Variants in UTRN observed in about 807,000 individuals in gnomAD.
UTRN encodes utrophin.
UTRN carries 283 observed loss-of-function variants against 463.9 expected under a neutral mutation model. The observed-to-expected ratio is 0.61, with a 90% CI of 0.55 to 0.67. The LOEUF (loss-of-function observed/expected upper bound fraction) is 0.67. Among genes scored for constraint, UTRN ranks in the 30% least tolerant of loss-of-function variants. The pLI, the probability that UTRN is intolerant of heterozygous loss-of-function variation, is 0.00. For synonymous variants in UTRN, 1,442 were observed against 1,431.5 expected (o/e 1.01, Z -0.17); for missense variants, 3,922 against 4,084.3 (o/e 0.96, Z 1.08).
chr6:144,414,034 C>T (rs995518347), intron 3 of UTRN, among the ~76,000 whole-genome samples: 5 of 152,028 alleles, frequency 3.3e-5, no homozygotes, highest in African/African-American at 1.2e-4. Flanking sequence ...AACTCCTGAT[C>T]TCATGATCTG....
chr6:144,325,813 A>T (rs1034941750), intron 2 of UTRN, among the ~76,000 whole-genome samples: 1 of 152,168 alleles, frequency 6.6e-6, no homozygotes, highest in African/African-American at 2.4e-5. Flanking sequence ...GGAAATAGGA[A>T]TGTGGCCTGT....
chr6:144,438,111 C>CA (rs1398755732), intron 11 of UTRN, among the ~76,000 whole-genome samples: 1 of 152,052 alleles, frequency 6.6e-6, no homozygotes, highest in African/African-American at 2.4e-5. Flanking sequence ...ACTAAAAATA[C>CA]AAAAATTAGC....
intron 23 of UTRN, among the ~76,000 whole-genome samples, chr6:144,471,924 A>G (rs117303574): frequency 6.6e-6 from 1 of 152,194 alleles, no homozygotes; most frequent in South Asian, 2.1e-4. Flanking sequence ...TCAAAACTAC[A>G]AAGTATAGAA....
chr6:144,601,235 G>C (rs1434665926), intron 51 of UTRN, among the ~76,000 whole-genome samples: 2 of 152,144 alleles, frequency 1.3e-5, no homozygotes, highest in Non-Finnish European at 2.9e-5. Context: ...TATTATTTAA[G>C]AAATGTTTCA....
At chr6:144,657,593 A>G (rs1209628559) in intron 51 of UTRN, among the ~76,000 whole-genome samples, 1 of 152,206 alleles carries the variant, frequency 6.6e-6, no homozygotes, top group Non-Finnish European at 1.5e-5. Context: ...CCTTGTGTTT[A>G]ACCTTGGGTG....
At chr6:144,420,893 T>C (rs1784777678) in intron 3 of UTRN, among the ~76,000 whole-genome samples, 1 of 152,240 alleles carries the variant, frequency 6.6e-6, no homozygotes, top group African/African-American at 2.4e-5. Context: ...TTAATGCGTC[T>C]CGTTATCATT....
intron 51 of UTRN, among the ~76,000 whole-genome samples, chr6:144,645,649 G>A (rs1778214788): frequency 6.6e-6 from 1 of 152,206 alleles, no homozygotes; most frequent in Non-Finnish European, 1.5e-5. Flanking sequence ...AAAGGATCTG[G>A]AGAAGACACC....
rs765669270 is a variant in UTRN, at chr6:144,488,822, A to G, written c.4122A>G (p.Pro1374=). ...ACAGGATAGATGCTTTCCAAGTTCC[A>G]CAGGAAGCTCAGGTATTGCCGTGCA... ...LTDRIDAFQV[P]QEAQKIQAEI... The change falls in exon 30 of 75, where the codon CCA becomes CCG. Residue 1374 remains proline (P), a synonymous_variant. Transcript: ENST00000367545. The G allele has an allele frequency of 5.0e-6, 8 of 1,595,490 alleles. No individual in the cohort carries two copies. The highest frequency in any genetic ancestry group is 2.6e-6 in the Non-Finnish European group (3 of 1,168,894).
chr6:144,590,058 A>G (rs1802863381), intron 51 of UTRN, among the ~76,000 whole-genome samples: 1 of 151,832 alleles, frequency 6.6e-6, no homozygotes, highest in Admixed American at 6.6e-5. Flanking sequence ...ACAGGGCCTC[A>G]CTATGTTGCG....
intron 51 of UTRN, among the ~76,000 whole-genome samples, chr6:144,581,643 T>G (rs1449760759): frequency 6.6e-6 from 1 of 152,204 alleles, no homozygotes; most frequent in Non-Finnish European, 1.5e-5. Context: ...CATCTGCTGG[T>G]TCTAGGACAG....
chr6:144,740,531 G>A (rs534614829), intron 54 of UTRN, among the ~76,000 whole-genome samples: 1 of 152,274 alleles, frequency 6.6e-6, no homozygotes, highest in East Asian at 1.9e-4. Flanking sequence ...AGCTTCTCAA[G>A]TCCAAATTAG....
chr6:144,439,401 G>A (rs557287419), intron 12 of UTRN, among the ~76,000 whole-genome samples: 3 of 152,114 alleles, frequency 2.0e-5, no homozygotes, highest in Non-Finnish European at 2.9e-5. Context: ...GAAACATTGA[G>A]GTAACTAATA....
Position 144,514,864 on chromosome 6 carries a change from A to G in UTRN, c.5244+44A>G, listed in dbSNP as rs756302431. On this transcript the variant is annotated intron_variant, in intron 37 of 74. Coordinates refer to ENST00000367545, the MANE Select transcript of UTRN (RefSeq NM_007124.3). ...AGAGTAAACCATTTTTCCTATGGGT[A>G]TGTATCTAAATGATAGTCATACAGT... 1.4e-5 allele frequency: 22 copies of G among 1,564,534 alleles called. No individual in the cohort carries two copies. In the South Asian group the frequency reaches 2.6e-4, roughly 18 times the overall value.
At chr6:144,753,278 AC>A (rs1303349680) in intron 56 of UTRN, among the ~76,000 whole-genome samples, 1 of 152,140 alleles carries the variant, frequency 6.6e-6, no homozygotes, top group African/African-American at 2.4e-5. Flanking sequence ...CAGTTTAGTA[AC>A]CCTTTACATT....
rs373137891 is a variant in UTRN, at chr6:144,793,858, C to T, written c.8945C>T (p.Pro2982Leu). ...YRYLFKEVAG[P>L]TEMCDQRQLG... ...GATCTCTTTAAGGAAGTTGCAGGGC[C>T]AACAGAAATGTGTGACCAGAGGCAG... The change falls in exon 63 of 75, where the codon CCA (proline) becomes CTA (leucine). Residue 2982 changes from proline to leucine, a missense_variant. Physicochemically the swap from Pro to Leu is moderately conservative, Grantham distance 98 (BLOSUM62 -3). This residue lies in a region of UTRN where 1,309 missense variants were observed against 1,452.6 expected (regional missense o/e 0.90). Transcript: ENST00000367545. 101 of 1,613,936 alleles carry T rather than the reference C, an allele frequency of 6.3e-5. No homozygotes were observed. The highest frequency in any genetic ancestry group is 8.1e-5 in the Non-Finnish European group (96 of 1,179,970).
rs767207733 is a variant in UTRN at position 144,551,053 on chromosome 6, C to T, written c.6899C>T (p.Ser2300Leu). The change falls in exon 48 of 75, where the codon TCA becomes TTA. Residue 2300 changes from serine (S) to leucine (L), a missense_variant. Ser to Leu is a moderately radical substitution (Grantham distance 145, BLOSUM62 -2). Around this residue, in one of 3 missense-constraint regions of UTRN, gnomAD observed 1,309 missense variants for 1,452.6 expected, o/e 0.90. Coordinates refer to ENST00000367545, the MANE Select transcript of UTRN (RefSeq NM_007124.3). Reference protein sequence around the residue: ...AQNLKNKASSSDMRTAITEKL... With the variant: ...AQNLKNKASSLDMRTAITEKL... ...AATTTGAAAAATAAAGCTTCCAGTTCAGATATGAGAACAGCAATTACAGAA... is the reference window on the plus strand; with the variant it reads ...AATTTGAAAAATAAAGCTTCCAGTTTAGATATGAGAACAGCAATTACAGAA... 4 of 1,609,280 alleles carry T rather than the reference C, an allele frequency of 2.5e-6. No homozygotes were observed. The highest frequency in any genetic ancestry group is 4.5e-5 in the East Asian group (2 of 44,776).
intron 2 of UTRN, among the ~76,000 whole-genome samples, chr6:144,392,792 T>C (rs1252863069): frequency 6.6e-6 from 1 of 152,208 alleles, no homozygotes; most frequent in Non-Finnish European, 1.5e-5. Flanking sequence ...ACCTGTCTCT[T>C]TTCTTAGCGT....
Position 144,522,047 on chromosome 6 carries a change from CA to C in UTRN, c.5610del (p.Asp1871IlefsTer40), listed in dbSNP as rs1796152869. 1 of 1,592,918 alleles carries C rather than the reference CA, an allele frequency of 6.3e-7. No homozygotes were observed. ...GGAATTAGATCATCACTTCTTCCTA[CA>C]GATTATCTGGTTGAAATTAACAAAA... is the stretch of plus-strand genomic sequence containing the variant. ...ASGIRSSLLP[T>X]DYLVEINKIL... On this transcript the variant is annotated frameshift_variant, in exon 40 of 75. Transcript: ENST00000367545. LOFTEE classifies it high-confidence loss of function.
chr6:144,504,278 G>C (rs1794500834), intron 34 of UTRN, among the ~76,000 whole-genome samples: 2 of 152,062 alleles, frequency 1.3e-5, no homozygotes, highest in South Asian at 4.1e-4. Flanking sequence ...ATACTATATT[G>C]AATAGGAGTG....
Sources: gnomAD v4.1 joint callset for allele counts (sites outside exome capture counted in the v4.1 genomes callset) on GRCh38, gnomAD v4.1.1 for gene constraint, gnomAD v4.1.1 regional missense constraint, MANE v1.5 for transcripts, NCBI Gene and HGNC (gene_info 2026-07-23, HGNC 2026-07-21) for gene names.